Variants in PARD3B observed in about 807,000 individuals in gnomAD.
PARD3B encodes partitioning defective 3 homolog B.
PARD3B carries 103 observed loss-of-function variants against 130.2 expected under a neutral mutation model. The ratio of observed to expected loss-of-function variants is 0.79; its 90% CI spans 0.67 to 0.93. PARD3B has a LOEUF of 0.93. Among genes scored for constraint, PARD3B ranks in the 40% least tolerant of loss-of-function variants. The pLI is 0.00. For synonymous variants in PARD3B, 583 were observed against 553.2 expected (o/e 1.05, Z -0.76); for missense variants, 1,609 against 1,499.2 (o/e 1.07, Z -1.21).
At chr2:205,363,552 T>C (rs1489780459) in intron 18 of PARD3B, among the ~76,000 whole-genome samples, 1 of 152,182 alleles carries the variant, frequency 6.6e-6, no homozygotes, top group Non-Finnish European at 1.5e-5. Flanking sequence ...AGGGGTATAA[T>C]TGAATAAGAC....
chr2:205,523,196 C>G (rs1303681344), intron 21 of PARD3B, among the ~76,000 whole-genome samples: 2 of 140,314 alleles, frequency 1.4e-5, no homozygotes, highest in Non-Finnish European at 3.0e-5. Flanking sequence ...GTTTTCTTAC[C>G]CCCGTGTACT....
chr2:205,359,330 C>T (rs2044306382), intron 18 of PARD3B, among the ~76,000 whole-genome samples: 1 of 152,214 alleles, frequency 6.6e-6, no homozygotes. Flanking sequence ...CTTGTCTCCA[C>T]AATAATAACA....
Position 205,285,742 on chromosome 2 carries a change from T to C in PARD3B, c.2186-14788T>C, listed in dbSNP as rs114529064. Among the ~76,000 whole-genome samples, 1,252 of 152,274 alleles carry C rather than the reference T, an allele frequency of 8.2e-3. 13 individuals carry two copies. Among genetic ancestry groups the C allele is most frequent in the African/African-American group, 0.029 (1,204 of 41,558 alleles). On this transcript the variant is annotated intron_variant, in intron 16 of 22. Transcript: ENST00000406610. ...AGCCTAGAGTCATCATTTTCTCCTCTGACTTCTGCCACTCCCTCTGTATCT... is the reference window on the plus strand; with the variant it reads ...AGCCTAGAGTCATCATTTTCTCCTCCGACTTCTGCCACTCCCTCTGTATCT...
chr2:205,222,358 C>T (rs949192867), intron 15 of PARD3B, among the ~76,000 whole-genome samples: 1 of 152,078 alleles, frequency 6.6e-6, no homozygotes, highest in African/African-American at 2.4e-5. Flanking sequence ...CCTTCAGATC[C>T]CTGCTGTTCC....
intron 3 of PARD3B, among the ~76,000 whole-genome samples, chr2:204,965,592 G>A (rs945469942): frequency 6.6e-6 from 1 of 152,046 alleles, no homozygotes; most frequent in African/African-American, 2.4e-5. Context: ...AAGTTTGCCT[G>A]TATCATATGA....
intron 18 of PARD3B, among the ~76,000 whole-genome samples, chr2:205,392,641 T>C (rs759992867): frequency 6.6e-6 from 1 of 152,192 alleles, no homozygotes. Context: ...TTGTCGTTCG[T>C]TATTAAAGCA....
intron 1 of PARD3B, among the ~76,000 whole-genome samples, chr2:204,558,793 A>T (rs540495504): frequency 6.6e-5 from 10 of 152,308 alleles, no homozygotes; most frequent in African/African-American, 2.4e-4. Context: ...TTCAAACTAT[A>T]CTACAAGGCT....
intron 2 of PARD3B, among the ~76,000 whole-genome samples, chr2:204,952,972 G>A (rs1252856133): frequency 6.7e-6 from 1 of 149,526 alleles, no homozygotes; most frequent in Non-Finnish European, 1.5e-5. Flanking sequence ...ACTCCAGCCT[G>A]GGCGACAGTG....
chr2:205,423,633 C>T (rs1293149038), intron 19 of PARD3B, among the ~76,000 whole-genome samples: 1 of 152,054 alleles, frequency 6.6e-6, no homozygotes, highest in East Asian at 1.9e-4. Context: ...TCATTGCAAC[C>T]CTATTCACAA....
chr2:205,033,709 C>T (rs1697587597), intron 3 of PARD3B, among the ~76,000 whole-genome samples: 2 of 152,206 alleles, frequency 1.3e-5, no homozygotes, highest in Admixed American at 1.3e-4. Context: ...AAATTCAGCT[C>T]ATCCACAGAA....
intron 2 of PARD3B, among the ~76,000 whole-genome samples, chr2:204,920,815 T>G (rs1301851197): frequency 6.6e-6 from 1 of 152,190 alleles, no homozygotes; most frequent in Non-Finnish European, 1.5e-5. Flanking sequence ...TCTTCCCCCT[T>G]TTGCCTTCTA....
intron 3 of PARD3B, among the ~76,000 whole-genome samples, chr2:205,036,474 A>G (rs1176495615): frequency 6.7e-6 from 1 of 148,366 alleles, no homozygotes; most frequent in East Asian, 1.9e-4. Flanking sequence ...TATATAGCGG[A>G]CTATATATAT....
intron 21 of PARD3B, among the ~76,000 whole-genome samples, chr2:205,503,522 A>G (rs749033033): frequency 5.7e-4 from 86 of 151,140 alleles, no homozygotes; most frequent in Non-Finnish European, 1.1e-3. Context: ...GTTCTGTTCC[A>G]TTGGTCTATA....
chr2:205,600,107 A>G (rs183095441), intron 22 of PARD3B, among the ~76,000 whole-genome samples: 6 of 152,244 alleles, frequency 3.9e-5, no homozygotes, highest in Admixed American at 3.9e-4. Context: ...TTTGAATCCT[A>G]ATATACTATT....
At chr2:204,647,720 A>G (rs1010754401) in intron 1 of PARD3B, among the ~76,000 whole-genome samples, 14 of 151,802 alleles carry the variant, frequency 9.2e-5, no homozygotes, top group Non-Finnish European at 1.3e-4. Context: ...AGAATATGCA[A>G]TGGGTAATTA....
chr2:205,110,487 T>C, intron 5 of PARD3B, among the ~76,000 whole-genome samples: 1 of 152,220 alleles, frequency 6.6e-6, no homozygotes, highest in South Asian at 2.1e-4. Context: ...GTTGAACTAA[T>C]GCTTTGTAAC....
chr2:205,384,987 T>A (rs1442232753), intron 18 of PARD3B, among the ~76,000 whole-genome samples: 1 of 152,062 alleles, frequency 6.6e-6, no homozygotes. Context: ...CCTTTTTTTT[T>A]AATCTCCAGC....
At chr2:204,730,333 T>C (rs2039450430) in intron 2 of PARD3B, among the ~76,000 whole-genome samples, 1 of 152,156 alleles carries the variant, frequency 6.6e-6, no homozygotes, top group Non-Finnish European at 1.5e-5. Flanking sequence ...CCTCCCAAAG[T>C]GCTGGGATTA....
Position 205,540,439 on chromosome 2 carries a change from A to C in PARD3B, c.3181-12885A>C, listed in dbSNP as rs549754524. 2.0e-5 allele frequency among the ~76,000 whole-genome samples: 3 copies of C among 152,300 alleles called. No homozygotes were observed. The East Asian group carries it at 5.8e-4, about 29-fold the overall frequency. On this transcript the variant is annotated intron_variant, in intron 21 of 22. Transcript: ENST00000406610. ...TTTTTTGGTGGCAAAATTGTCCAAC[A>C]CATTCATTTTATGTATTTTTCTCTT...
Sources: allele counts gnomAD v4.1 joint callset (sites outside exome capture counted in the v4.1 genomes callset), GRCh38; gene constraint gnomAD v4.1.1; transcripts MANE v1.5; gene names NCBI Gene and HGNC (gene_info 2026-07-23, HGNC 2026-07-21).